OSBPL8: variants seen among roughly 807,000 people sequenced by gnomAD.
OSBPL8 encodes the protein oxysterol-binding protein-related protein 8.
In OSBPL8, 59 loss-of-function variants were observed where a neutral mutation model predicts 125.5. The observed-to-expected ratio is 0.47, with a 90% CI of 0.38 to 0.58. The LOEUF is 0.58. Ranked by LOEUF, OSBPL8 falls within the 20% of genes least tolerant of loss-of-function variation. The pLI is 0.00. For missense variants in OSBPL8, 758 were observed against 1,047.8 expected, an observed-to-expected ratio of 0.72 and a Z score of 3.82; for synonymous variants, 330 against 338.9, an observed-to-expected ratio of 0.97 and a Z score of 0.29.
chr12:76,351,849 A>G lies in OSBPL8; in HGVS notation c.*4040T>C, dbSNP rs1951835285. 1 of 152,238 alleles carries G rather than the reference A, an allele frequency of 6.6e-6. No individual in the cohort carries two copies. Among genetic ancestry groups the G allele is most frequent in the Admixed American group, 6.5e-5 (1 of 15,286 alleles). 9.4% of individuals were successfully genotyped at this position (152,238 alleles called of 1,614,324 possible). ...AAGCCTACTTGTAGAAGTTAGCATA[A>G]TTTTACAGATTATTAGAAAAATTCT... On this transcript the variant is annotated 3_prime_UTR_variant, in exon 24 of 24. Coordinates refer to ENST00000261183, the MANE Select transcript of OSBPL8 (RefSeq NM_020841.5).
At chr12:76,495,485 G>A (rs968456394) in intron 1 of OSBPL8, among the ~76,000 whole-genome samples, 1 of 152,164 alleles carries the variant, frequency 6.6e-6, no homozygotes, top group Non-Finnish European at 1.5e-5. Flanking sequence ...GTGTTTGGGG[G>A]AAACTGCATA....
chr12:76,469,764 T>C (rs979802690), intron 2 of OSBPL8, among the ~76,000 whole-genome samples: 7 of 152,212 alleles, frequency 4.6e-5, no homozygotes, highest in Non-Finnish European at 1.0e-4. Flanking sequence ...TTTATATATT[T>C]TTTCTTTCTC....
intron 1 of OSBPL8, among the ~76,000 whole-genome samples, chr12:76,498,472 C>T (rs1490648419): frequency 6.6e-6 from 1 of 152,206 alleles, no homozygotes; most frequent in Non-Finnish European, 1.5e-5. Flanking sequence ...TGCATCTGTA[C>T]TTTCACTGTT....
Position 76,353,520 on chromosome 12 carries a change from C to T in OSBPL8, c.*2369G>A, listed in dbSNP as rs1055314020. On this transcript the variant is annotated 3_prime_UTR_variant, in exon 24 of 24. Transcript: ENST00000261183. ...ATGAGGCTCTCAGACAACTGGGAAC[C>T]GTTTACGGTCCATGTGTGAAGGAAG... The T allele has an allele frequency of 1.3e-5, 2 of 151,850 alleles. No homozygotes were observed. The highest frequency in any genetic ancestry group is 1.3e-4 in the Admixed American group (2 of 15,246). 9.4% of individuals were successfully genotyped at this position (151,850 alleles called of 1,614,324 possible).
chr12:76,453,166 C>A (rs1280509053), intron 3 of OSBPL8, among the ~76,000 whole-genome samples: 1 of 152,118 alleles, frequency 6.6e-6, no homozygotes, highest in African/African-American at 2.4e-5. Context: ...GTTTTGTCTG[C>A]CTTATTTTCC....
At chr12:76,463,507 G>A (rs959876940) in intron 2 of OSBPL8, among the ~76,000 whole-genome samples, 1 of 152,134 alleles carries the variant, frequency 6.6e-6, no homozygotes, top group Non-Finnish European at 1.5e-5. Flanking sequence ...GTTCAGGCTG[G>A]TAAGAAAAAT....
At chr12:76,450,244 A>G (rs1873221521) in intron 4 of OSBPL8, among the ~76,000 whole-genome samples, 1 of 152,194 alleles carries the variant, frequency 6.6e-6, no homozygotes, top group African/African-American at 2.4e-5. Context: ...GCTAAACATC[A>G]TATAATGCAT....
rs139807648 is a variant in OSBPL8, at chr12:76,379,700, A to G, written c.1631-1150T>C. 2.0e-5 allele frequency among the ~76,000 whole-genome samples: 3 copies of G among 152,218 alleles called. No individual in the cohort carries two copies. In the East Asian group the frequency reaches 5.8e-4, roughly 29 times the overall value. ...ATCCACATTGTTGTATAAGAATTCT[A>G]TTCCTTTTTATTGCTAGTTAGCATT... On this transcript the variant is annotated intron_variant, in intron 15 of 23. Coordinates refer to ENST00000261183, the MANE Select transcript of OSBPL8 (RefSeq NM_020841.5).
At chr12:76,525,354 G>C (rs1397725050) in intron 1 of OSBPL8, among the ~76,000 whole-genome samples, 1 of 152,046 alleles carries the variant, frequency 6.6e-6, no homozygotes, top group Non-Finnish European at 1.5e-5. Context: ...AAAAAAGTGA[G>C]GAAAAGGAAT....
chr12:76,505,253 T>TTA (rs1328398118), intron 1 of OSBPL8, among the ~76,000 whole-genome samples: 1 of 152,096 alleles, frequency 6.6e-6, no homozygotes, highest in African/African-American at 2.4e-5. Context: ...ACATGAGGCT[T>TTA]TACAGTGATC....
chr12:76,455,635 A>G (rs1191731985), intron 3 of OSBPL8, among the ~76,000 whole-genome samples: 1 of 152,200 alleles, frequency 6.6e-6, no homozygotes. Context: ...TACCAAAAAA[A>G]CCAGAAAGCC....
intron 1 of OSBPL8, among the ~76,000 whole-genome samples, chr12:76,552,867 T>C (rs1457138234): frequency 2.0e-5 from 3 of 152,184 alleles, no homozygotes; most frequent in Non-Finnish European, 4.4e-5. Flanking sequence ...AGCACTTCCA[T>C]TACTACCAAT....
intron 1 of OSBPL8, among the ~76,000 whole-genome samples, chr12:76,501,106 C>CA (rs1879856513): frequency 6.6e-6 from 1 of 152,096 alleles, no homozygotes; most frequent in Non-Finnish European, 1.5e-5. Flanking sequence ...CACACACACA[C>CA]ACACACATAG....
intron 14 of OSBPL8, among the ~76,000 whole-genome samples, chr12:76,385,557 C>CA (rs1212926997): frequency 5.9e-5 from 9 of 151,916 alleles, no homozygotes; most frequent in Admixed American, 1.3e-4. Context: ...TGGATAATCA[C>CA]AAAAAACAAT....
chr12:76,526,240 T>TA (rs1267755254), intron 1 of OSBPL8, among the ~76,000 whole-genome samples: 1 of 152,200 alleles, frequency 6.6e-6, no homozygotes, highest in Admixed American at 6.5e-5. Context: ...TGTATACATT[T>TA]AAAAAAAGTT....
At chr12:76,365,650 A>C (rs544255525) in intron 21 of OSBPL8, among the ~76,000 whole-genome samples, 11 of 152,212 alleles carry the variant, frequency 7.2e-5, no homozygotes, top group Non-Finnish European at 1.5e-4. Flanking sequence ...GGAGTGGTGA[A>C]AGTGGGAATG....
At chr12:76,486,494 T>C (rs1286556355) in intron 2 of OSBPL8, among the ~76,000 whole-genome samples, 1 of 152,218 alleles carries the variant, frequency 6.6e-6, no homozygotes, top group African/African-American at 2.4e-5. Context: ...TAAGAGTCTA[T>C]ACATCAATAT....
chr12:76,452,544 C>T (rs1265579347), intron 3 of OSBPL8, among the ~76,000 whole-genome samples: 2 of 152,152 alleles, frequency 1.3e-5, no homozygotes, highest in Non-Finnish European at 2.9e-5. Context: ...TCACTACTCC[C>T]CTCCCACTAC....
In OSBPL8 at chr12:76,355,671, C is replaced by A; in HGVS notation, c.*218G>T. On this transcript the variant is annotated 3_prime_UTR_variant, in exon 24 of 24. Transcript: ENST00000261183. ...CATTCTCACAAAAGCTAGAAATGTC[C>A]TGGCACTTAACACATAGCTCACTTT... 1 of 477,458 alleles carries A rather than the reference C, an allele frequency of 2.1e-6. No homozygotes were observed. Among genetic ancestry groups the A allele is most frequent in the Non-Finnish European group, 3.7e-6 (1 of 273,596 alleles). The allele number at this position is 477,458 out of a possible 1,614,324, so 29.6% of individuals were successfully genotyped here.
Sources: allele counts gnomAD v4.1 joint callset (sites outside exome capture counted in the v4.1 genomes callset), GRCh38; gene constraint gnomAD v4.1.1; transcripts MANE v1.5; gene names NCBI Gene and HGNC (gene_info 2026-07-23, HGNC 2026-07-21).